The following SRBD1 variants were observed in gnomAD, a reference collection of about 807,000 sequenced individuals.
The protein encoded by SRBD1 is S1 RNA-binding domain-containing protein 1.
In SRBD1, 88 loss-of-function variants were observed where a neutral mutation model predicts 115.3. The observed-to-expected ratio is 0.76, with a 90% confidence interval of 0.64 to 0.91. The LOEUF (loss-of-function observed/expected upper bound fraction) is 0.91. SRBD1 is among the 40% of genes least tolerant of loss of function. The pLI, the probability that SRBD1 is intolerant of heterozygous loss-of-function variation, is 0.00. For missense variants in SRBD1, 1,385 were observed against 1,177.4 expected, an observed-to-expected ratio of 1.18 and a Z score of -2.58; for synonymous variants, 509 against 407.7, an observed-to-expected ratio of 1.25 and a Z score of -2.99.
intron 19 of SRBD1, among the ~76,000 whole-genome samples, chr2:45,412,748 T>G (rs976375955): frequency 2.6e-5 from 4 of 152,228 alleles, no homozygotes; most frequent in African/African-American, 9.6e-5. Flanking sequence ...TTAAGAAAGC[T>G]GAGTTGGTTG....
chr2:45,536,677 A>G (rs1266848196), intron 14 of SRBD1, among the ~76,000 whole-genome samples: 1 of 152,158 alleles, frequency 6.6e-6, no homozygotes, highest in Non-Finnish European at 1.5e-5. Context: ...ATCATGGCTC[A>G]TTATTTTACT....
chr2:45,559,796 G>A (rs1400281466), intron 10 of SRBD1, among the ~76,000 whole-genome samples: 9 of 152,128 alleles, frequency 5.9e-5, no homozygotes, highest in African/African-American at 1.9e-4. Flanking sequence ...GTTTCAGGCC[G>A]GGCATGGTGG....
At chr2:45,543,761 A>C (rs755948536) in intron 14 of SRBD1, among the ~76,000 whole-genome samples, 5 of 152,226 alleles carry the variant, frequency 3.3e-5, no homozygotes, top group Non-Finnish European at 7.3e-5. Flanking sequence ...ACATATTAGC[A>C]AACAAATGCA....
At chr2:45,398,942 G>T (rs1344269667) in intron 19 of SRBD1, among the ~76,000 whole-genome samples, 5 of 152,108 alleles carry the variant, frequency 3.3e-5, no homozygotes, top group African/African-American at 9.7e-5. Flanking sequence ...GTACTGAAAT[G>T]TTGCTATTAT....
At chr2:45,475,704 C>A (rs1669784124) in intron 16 of SRBD1, among the ~76,000 whole-genome samples, 1 of 152,128 alleles carries the variant, frequency 6.6e-6, no homozygotes, top group Non-Finnish European at 1.5e-5. Flanking sequence ...TATAGCTGTA[C>A]TTTTTCTTTC....
chr2:45,572,601 T>C (rs530102935), intron 9 of SRBD1, among the ~76,000 whole-genome samples: 6 of 152,190 alleles, frequency 3.9e-5, no homozygotes, highest in Middle Eastern at 6.8e-3. Flanking sequence ...AGATAGTAAC[T>C]TGAAGCCATA....
chr2:45,539,524 G>A (rs899216015), intron 14 of SRBD1, among the ~76,000 whole-genome samples: 3 of 152,120 alleles, frequency 2.0e-5, no homozygotes, highest in Non-Finnish European at 2.9e-5. Context: ...TCTACCCCCA[G>A]GAGATCACAA....
chr2:45,390,093 C>A (rs1270481885), intron 20 of SRBD1, among the ~76,000 whole-genome samples: 4 of 152,094 alleles, frequency 2.6e-5, no homozygotes, highest in Admixed American at 6.6e-5. Flanking sequence ...GTTCTTTCTT[C>A]CTCACTTCTT....
At chr2:45,479,666 C>CATAA (rs1669903744) in intron 15 of SRBD1, among the ~76,000 whole-genome samples, 10 of 152,184 alleles carry the variant, frequency 6.6e-5, no homozygotes, top group Admixed American at 6.5e-4. Flanking sequence ...CATAAAAGTA[C>CATAA]AAGGTGAAAC....
rs529758182 is a variant in SRBD1 at position 45,476,644 on chromosome 2, T to C, written c.2049+349A>G. 3.5e-4 allele frequency among the ~76,000 whole-genome samples: 53 copies of C among 152,336 alleles called. 2 individuals are homozygous for C. The South Asian group carries it at 7.7e-3, about 22-fold the overall frequency. Reference sequence around the variant, plus strand: ...TATCTACTGTGAAGATCAAGTTCAATGCATGATATCACTATTGTAATTATT... The same window carrying C: ...TATCTACTGTGAAGATCAAGTTCAACGCATGATATCACTATTGTAATTATT... On this transcript the variant is annotated intron_variant, in intron 16 of 20. Coordinates refer to ENST00000263736, the MANE Select transcript of SRBD1 (RefSeq NM_018079.5).
At chr2:45,583,603 T>C (rs1673429420) in intron 5 of SRBD1, among the ~76,000 whole-genome samples, 1 of 152,230 alleles carries the variant, frequency 6.6e-6, no homozygotes, top group Admixed American at 6.5e-5. Context: ...AAATGTACTC[T>C]TGTATTTTCT....
chr2:45,415,642 AGGAGGGGAGGGGAGGGGAGGGGAGG>A (rs1171083231), intron 18 of SRBD1, among the ~76,000 whole-genome samples: 5 of 52,770 alleles, frequency 9.5e-5, no homozygotes, highest in African/African-American at 3.4e-4. Flanking sequence ...GTGAGAGAAA[AGGAGGGGAGGGGAGGGGAGGGGAGG>A]GGAGGGGAGG....
At chr2:45,397,375 T>C (rs1255258938) in intron 19 of SRBD1, among the ~76,000 whole-genome samples, 1 of 152,234 alleles carries the variant, frequency 6.6e-6, no homozygotes, top group African/African-American at 2.4e-5. Context: ...TTTTCAAATT[T>C]ACTGCTCTTA....
Position 45,413,173 on chromosome 2 carries a change from C to T in SRBD1, c.2454G>A (p.Leu818=). The T allele has an allele frequency of 6.2e-7, 1 of 1,614,102 alleles. No individual in the cohort carries two copies. The highest frequency in any genetic ancestry group is 8.5e-7 in the Non-Finnish European group (1 of 1,179,978). Residue 818 remains leucine, a synonymous_variant, in exon 19 of 21, where the codon CTG becomes CTA. Coordinates refer to ENST00000263736, the MANE Select transcript of SRBD1 (RefSeq NM_018079.5). ...KKSKTAVNVL[L]KPNPLDQTCI... is the part of the protein sequence containing the mutation. ...AAGTTTGGTCCAAAGGATTTGGCTTCAGTAAAACATTCACTGCAGTTTTGC... is the reference window on the plus strand; with the variant it reads ...AAGTTTGGTCCAAAGGATTTGGCTTTAGTAAAACATTCACTGCAGTTTTGC...
At chr2:45,404,621 C>A (rs930313997) in intron 19 of SRBD1, among the ~76,000 whole-genome samples, 1 of 152,196 alleles carries the variant, frequency 6.6e-6, no homozygotes, top group Non-Finnish European at 1.5e-5. Context: ...GCTGTATCAT[C>A]TGGATCTCAG....
In SRBD1 at chr2:45,551,233, G is replaced by C; in HGVS notation, c.1567C>G (p.Arg523Gly). ...GTTAAAAGGAGCTGACGAAGGTTCC[G>C]TCCAAACATCATTACTGATTCCTTC... ...AEKESVMMFG[R>G]NLRQLLLTSP... The change falls in exon 12 of 21, where the codon CGG becomes GGG. Residue 523 changes from arginine to glycine, a missense_variant. Transcript: ENST00000263736. 6.2e-7 allele frequency: 1 copy of C among 1,612,416 alleles called. No homozygotes were observed. The highest frequency in any genetic ancestry group is 1.1e-5 in the South Asian group (1 of 90,540).
chr2:45,532,323 A>G lies in SRBD1; in HGVS notation c.1874+14409T>C, dbSNP rs143795807. Among the ~76,000 whole-genome samples, 48 of 151,908 alleles carry G rather than the reference A, an allele frequency of 3.2e-4. 3 individuals are homozygous for G. The highest frequency in any genetic ancestry group is 8.5e-4 in the Admixed American group (13 of 15,254). On this transcript the variant is annotated intron_variant, in intron 14 of 20. Transcript: ENST00000263736. ...AAATACCAGGGAATTCCTATCAACC[A>G]ATTTACTTTAAAAGGCGCTTTGATG...
At chr2:45,560,076 C>T (rs1234324863) in intron 10 of SRBD1, among the ~76,000 whole-genome samples, 1 of 151,792 alleles carries the variant, frequency 6.6e-6, no homozygotes, top group Non-Finnish European at 1.5e-5. Context: ...CAGAGTGAGA[C>T]CCTGTCTCAA....
chr2:45,518,484 G>A (rs1671186178), intron 14 of SRBD1, among the ~76,000 whole-genome samples: 1 of 152,200 alleles, frequency 6.6e-6, no homozygotes, highest in African/African-American at 2.4e-5. Flanking sequence ...GAGTGGAAGA[G>A]AGAAAAAGAA....
Sources: gnomAD v4.1 joint callset for allele counts (sites outside exome capture counted in the v4.1 genomes callset) on GRCh38, gnomAD v4.1.1 for gene constraint, MANE v1.5 for transcripts, NCBI Gene and HGNC (gene_info 2026-07-23, HGNC 2026-07-21) for gene names.